Variants in ROR2 observed in about 807,000 individuals in gnomAD.
The protein encoded by ROR2 is tyrosine-protein kinase transmembrane receptor ROR2.
ROR2 carries 33 observed loss-of-function variants against 74.9 expected under a neutral mutation model. The ratio of observed to expected loss-of-function variants is 0.44; its 90% CI spans 0.33 to 0.59. The LOEUF (loss-of-function observed/expected upper bound fraction) is 0.59, where lower values mean the gene tolerates loss of function less well. Ranked by LOEUF, ROR2 falls within the 20% of genes least tolerant of loss-of-function variation. ROR2 has a pLI of 0.02. For missense variants in ROR2, 1,216 were observed against 1,313.8 expected (o/e 0.93, Z 1.15); for synonymous variants, 586 against 558.7 (o/e 1.05, Z -0.69).
At chr9:91,882,076 C>T (rs1364711793) in intron 1 of ROR2, among the ~76,000 whole-genome samples, 3 of 152,036 alleles carry the variant, frequency 2.0e-5, no homozygotes, top group Non-Finnish European at 4.4e-5. Context: ...GTCCTTTCGA[C>T]CTTGAATGAG....
intron 1 of ROR2, among the ~76,000 whole-genome samples, chr9:91,897,092 C>T (rs1830555058): frequency 1.3e-5 from 2 of 152,210 alleles, no homozygotes; most frequent in Admixed American, 1.3e-4. Flanking sequence ...ACGTAGACCC[C>T]GTAAGTGCAT....
rs201027913 is a variant in ROR2 at position 91,732,683 on chromosome 9, T to TGG, written c.937+437_937+438dup. 6.2e-4 allele frequency among the ~76,000 whole-genome samples: 94 copies of TGG among 152,306 alleles called. No homozygotes were observed. The East Asian group carries it at 0.01, about 17-fold the overall frequency. ...ACTGATCCTCCAGGTTTCAGGAGGT[T>TGG]GGGGCAGGAGTTGAGAGTCTGCATT... On this transcript the variant is annotated intron_variant, in intron 6 of 8. Transcript: ENST00000375708.
At chr9:91,937,320 A>G (rs1179163204) in intron 1 of ROR2, among the ~76,000 whole-genome samples, 1 of 152,158 alleles carries the variant, frequency 6.6e-6, no homozygotes, top group African/African-American at 2.4e-5. Flanking sequence ...TGTGGATCAA[A>G]TATTTGTAAA....
chr9:91,821,673 C>A (rs1287732311), intron 1 of ROR2, among the ~76,000 whole-genome samples: 1 of 152,230 alleles, frequency 6.6e-6, no homozygotes, highest in African/African-American at 2.4e-5. Flanking sequence ...AACCCTTAGT[C>A]TTTCTGCTAT....
rs1830807968 is a variant in ROR2 at position 91,906,106 on chromosome 9, G to A, written c.97+43761C>T. On this transcript the variant is annotated intron_variant, in intron 1 of 8. Transcript: ENST00000375708. ...TTTAAACCACACCAAAACCCTGAGAGGCGTCAGCGTCCCTGAAGCTCCCGT... is the reference window on the plus strand; with the variant it reads ...TTTAAACCACACCAAAACCCTGAGAAGCGTCAGCGTCCCTGAAGCTCCCGT... 2.0e-5 allele frequency among the ~76,000 whole-genome samples: 3 copies of A among 152,050 alleles called. No individual in the cohort carries two copies. The South Asian group carries it at 6.2e-4, about 32-fold the overall frequency.
At chr9:91,918,448 G>GA (rs1831191478) in intron 1 of ROR2, among the ~76,000 whole-genome samples, 2 of 152,142 alleles carry the variant, frequency 1.3e-5, no homozygotes, top group African/African-American at 2.4e-5. Flanking sequence ...GAAGGTGGAG[G>GA]AAAAATCTCA....
In ROR2 at chr9:91,943,380, TAA is replaced by T. The variant is rs1230774439; in HGVS notation, c.97+6485_97+6486del. 3.3e-5 allele frequency among the ~76,000 whole-genome samples: 5 copies of T among 151,882 alleles called. 1 individual carries two copies. The highest frequency in any genetic ancestry group is 1.2e-4 in the African/African-American group (5 of 41,328). On this transcript the variant is annotated intron_variant, in intron 1 of 8. Coordinates refer to ENST00000375708, the MANE Select transcript of ROR2 (RefSeq NM_004560.4). ...ACAAATTACGGTGCATAATTTAACATAATATATACCAAATATATATATAAATG... is the reference window on the plus strand; with the variant it reads ...ACAAATTACGGTGCATAATTTAACATTATATACCAAATATATATATAAATG...
rs772631240 is a variant in ROR2 at position 91,725,004 on chromosome 9, G to A, written c.1490C>T (p.Pro497Leu). ...GGCCACAGCCTGGGTCTGCTCCCCC[G>A]GGGCAGGGCCGAACAGGTGACCTTT... is the stretch of plus-strand genomic sequence containing the variant. ...VYKGHLFGPA[P>L]GEQTQAVAIK... Residue 497 changes from proline (P) to leucine (L), a missense_variant, in exon 9 of 9, where the codon CCG becomes CTG. Transcript: ENST00000375708. 2.7e-5 allele frequency: 44 copies of A among 1,613,650 alleles called. No homozygotes were observed. The highest frequency in any genetic ancestry group is 1.8e-4 in the Admixed American group (11 of 60,008).
intron 1 of ROR2, among the ~76,000 whole-genome samples, chr9:91,918,454 T>C (rs898394521): frequency 1.3e-5 from 2 of 152,112 alleles, no homozygotes; most frequent in African/African-American, 4.8e-5. Context: ...GGAGGAAAAA[T>C]CTCATGCTAG....
chr9:91,916,499 C>A (rs1336316929), intron 1 of ROR2, among the ~76,000 whole-genome samples: 1 of 152,210 alleles, frequency 6.6e-6, no homozygotes, highest in Non-Finnish European at 1.5e-5. Context: ...CACAGAACTC[C>A]CTCTTCCCCA....
chr9:91,735,600 C>T (rs1034391639), intron 5 of ROR2, among the ~76,000 whole-genome samples: 23 of 120,880 alleles, frequency 1.9e-4, no homozygotes, highest in Non-Finnish European at 3.8e-4. Context: ...CTACTAAGGG[C>T]TCTAACTTTT....
intron 1 of ROR2, among the ~76,000 whole-genome samples, chr9:91,935,475 G>A (rs1007638436): frequency 8.5e-5 from 13 of 152,210 alleles, no homozygotes; most frequent in Non-Finnish European, 1.8e-4. Flanking sequence ...GAGACCAGGG[G>A]CATCCACTTT....
intron 4 of ROR2, among the ~76,000 whole-genome samples, chr9:91,740,951 TGAA>T (rs1249341515): frequency 1.3e-5 from 2 of 152,042 alleles, no homozygotes; most frequent in Non-Finnish European, 2.9e-5. Context: ...GGGACATGGA[TGAA>T]GAAGAAACTT....
At chr9:91,909,842 G>GGTTTTT (rs1830912958) in intron 1 of ROR2, among the ~76,000 whole-genome samples, 2 of 55,978 alleles carry the variant, frequency 3.6e-5, no homozygotes, top group Non-Finnish European at 6.3e-5. Context: ...TTTTAGGTTT[G>GGTTTTT]TTTTGTTTTT....
At chr9:91,934,085 T>C (rs1831619822) in intron 1 of ROR2, among the ~76,000 whole-genome samples, 1 of 152,016 alleles carries the variant, frequency 6.6e-6, no homozygotes, top group Admixed American at 6.5e-5. Context: ...AAGCATCAAG[T>C]CTGTTCAGTG....
intron 1 of ROR2, among the ~76,000 whole-genome samples, chr9:91,819,207 C>T (rs1049297211): frequency 9.9e-5 from 15 of 152,212 alleles, no homozygotes; most frequent in African/African-American, 3.6e-4. Flanking sequence ...AGCCCAAGGC[C>T]AGGACTGACA....
rs567884248 is a variant in ROR2 at position 91,757,361 on chromosome 9, A to G, written c.374T>C (p.Leu125Pro). 5.0e-6 allele frequency: 8 copies of G among 1,613,950 alleles called. No individual in the cohort carries two copies. The highest frequency in any genetic ancestry group is 4.4e-5 in the South Asian group (4 of 91,040). Residue 125 changes from leucine (L) to proline (P), a missense_variant, in exon 3 of 9, where the codon CTG becomes CCG. Coordinates refer to ENST00000375708, the MANE Select transcript of ROR2 (RefSeq NM_004560.4). Reference protein sequence around the residue: ...EYGSRLRIQDLDTTDTGYYQC... With the variant: ...EYGSRLRIQDPDTTDTGYYQC... ...GTAGTAGCCAGTGTCTGTCGTGTCC[A>G]GGTCCTGGATTCGCAGTCGTGAACC... is the stretch of plus-strand genomic sequence containing the variant.
chr9:91,876,241 C>T (rs372510317), intron 1 of ROR2, among the ~76,000 whole-genome samples: 13 of 151,922 alleles, frequency 8.6e-5, no homozygotes, highest in East Asian at 3.9e-4. Context: ...GGTGTGCAGG[C>T]GCCTGTAATC....
intron 1 of ROR2, among the ~76,000 whole-genome samples, chr9:91,893,485 C>T (rs1176028700): frequency 5.9e-5 from 9 of 152,120 alleles, no homozygotes; most frequent in Non-Finnish European, 1.3e-4. Context: ...TGCACCAACC[C>T]TTCTTCCCCA....
Sources: gnomAD v4.1 joint callset for allele counts (sites outside exome capture counted in the v4.1 genomes callset) on GRCh38, gnomAD v4.1.1 for gene constraint, MANE v1.5 for transcripts, NCBI Gene and HGNC (gene_info 2026-07-23, HGNC 2026-07-21) for gene names.